Variants in CNTNAP2 observed in about 807,000 individuals in gnomAD.
CNTNAP2 encodes the protein contactin associated protein 2, also known as contactin-associated protein-like 2.
In CNTNAP2, 98 loss-of-function variants were observed where a neutral mutation model predicts 155.2. The ratio of observed to expected loss-of-function variants is 0.63; its 90% CI spans 0.54 to 0.75. CNTNAP2 has a LOEUF of 0.75. Ranked by LOEUF, CNTNAP2 falls within the 30% of genes least tolerant of loss-of-function variation. The pLI, the probability that CNTNAP2 is intolerant of heterozygous loss-of-function variation, is 0.00. For synonymous variants in CNTNAP2, 651 were observed against 631.2 expected (o/e 1.03, Z -0.47); for missense variants, 1,727 against 1,688.1 (o/e 1.02, Z -0.40).
intron 1 of CNTNAP2, among the ~76,000 whole-genome samples, chr7:146,119,296 G>C (rs1041329556): frequency 6.6e-6 from 1 of 151,888 alleles, no homozygotes; most frequent in Non-Finnish European, 1.5e-5. Flanking sequence ...TTAATATGAG[G>C]GACAGAAGAT....
intron 11 of CNTNAP2, among the ~76,000 whole-genome samples, chr7:147,488,019 A>T (rs2116642416): frequency 6.6e-6 from 1 of 150,662 alleles, no homozygotes; most frequent in Non-Finnish European, 1.5e-5. Flanking sequence ...TGAAAAGACC[A>T]TACTACATAA....
chr7:148,075,790 G>A (rs779030300), intron 15 of CNTNAP2, among the ~76,000 whole-genome samples: 12 of 152,154 alleles, frequency 7.9e-5, no homozygotes, highest in East Asian at 1.9e-4. Context: ...CCACAAATCC[G>A]TTGATTTTAT....
At chr7:146,409,565 A>G (rs1795838184) in intron 1 of CNTNAP2, among the ~76,000 whole-genome samples, 2 of 152,222 alleles carry the variant, frequency 1.3e-5, no homozygotes, top group Admixed American at 1.3e-4. Flanking sequence ...AATATGATAA[A>G]TAAATGATAT....
At chr7:147,374,983 T>C (rs1021149842) in intron 9 of CNTNAP2, among the ~76,000 whole-genome samples, 7 of 151,954 alleles carry the variant, frequency 4.6e-5, no homozygotes, top group African/African-American at 1.7e-4. Flanking sequence ...GATTGGATCA[T>C]GGGGGCAGTT....
intron 3 of CNTNAP2, among the ~76,000 whole-genome samples, chr7:146,927,687 TATGC>T (rs1366579975): frequency 6.6e-6 from 1 of 152,024 alleles, no homozygotes; most frequent in Non-Finnish European, 1.5e-5. Context: ...TTAAAATATC[TATGC>T]TAAAAACATC....
chr7:146,862,102 G>A (rs1204886541), intron 3 of CNTNAP2, among the ~76,000 whole-genome samples: 3 of 152,102 alleles, frequency 2.0e-5, no homozygotes, highest in East Asian at 1.9e-4. Context: ...ATGCAGGCGC[G>A]GTCGATGGCA....
intron 13 of CNTNAP2, among the ~76,000 whole-genome samples, chr7:147,872,361 C>T (rs567041307): frequency 3.3e-5 from 5 of 152,304 alleles, no homozygotes; most frequent in East Asian, 1.9e-4. Flanking sequence ...TAGAAAACTA[C>T]AGAACCGAAT....
At chr7:147,855,633 A>T (rs1037949413) in intron 13 of CNTNAP2, among the ~76,000 whole-genome samples, 2 of 152,166 alleles carry the variant, frequency 1.3e-5, no homozygotes, top group Non-Finnish European at 2.9e-5. Flanking sequence ...CTAAAAAAAA[A>T]ATAAGTACAA....
In CNTNAP2 at chr7:148,375,392, C is replaced by T. The variant is rs2095422767; in HGVS notation, c.3476-8257C>T. On this transcript the variant is annotated intron_variant, in intron 21 of 23. Transcript: ENST00000361727. ...CAATTTTTTTTGAGACAGAGTCTTG[C>T]CCTGTTTCCCAGGCTTGAGCGCAAT... Among the ~76,000 whole-genome samples, 3 of 148,580 alleles carry T rather than the reference C, an allele frequency of 2.0e-5. No individual in the cohort carries two copies. In the South Asian group the frequency reaches 6.3e-4, roughly 31 times the overall value.
intron 3 of CNTNAP2, among the ~76,000 whole-genome samples, chr7:146,959,738 G>C (rs1184961390): frequency 6.9e-6 from 1 of 145,486 alleles, no homozygotes; most frequent in Admixed American, 6.9e-5. Context: ...AAAAAAGAAA[G>C]AAATAAGAAT....
At chr7:148,348,003 ATC>A (rs1361655680) in intron 21 of CNTNAP2, among the ~76,000 whole-genome samples, 2 of 152,048 alleles carry the variant, frequency 1.3e-5, no homozygotes, top group Non-Finnish European at 2.9e-5. Context: ...AACTTCAGAA[ATC>A]TCTCTCTTAC....
intron 11 of CNTNAP2, among the ~76,000 whole-genome samples, chr7:147,515,542 C>T (rs775266339): frequency 1.3e-5 from 2 of 151,848 alleles, no homozygotes; most frequent in Non-Finnish European, 2.9e-5. Flanking sequence ...AGGATGGTCT[C>T]GATCTCTTGA....
intron 1 of CNTNAP2, among the ~76,000 whole-genome samples, chr7:146,306,332 T>C (rs1239489970): frequency 6.6e-6 from 1 of 152,158 alleles, no homozygotes; most frequent in African/African-American, 2.4e-5. Flanking sequence ...GAGGAGCTGG[T>C]ACCATTCCTT....
intron 14 of CNTNAP2, among the ~76,000 whole-genome samples, chr7:147,977,648 T>C (rs1801453073): frequency 6.6e-6 from 1 of 152,160 alleles, no homozygotes; most frequent in African/African-American, 2.4e-5. Context: ...TCGCTTCTGT[T>C]TTCCAGAAGA....
At chr7:147,328,898 G>A (rs180888373) in intron 9 of CNTNAP2, among the ~76,000 whole-genome samples, 62 of 152,240 alleles carry the variant, frequency 4.1e-4, no homozygotes, top group African/African-American at 1.4e-3. Flanking sequence ...AAAATCTGTA[G>A]TTGAACCTTA....
chr7:148,117,659 A>G (rs1804503949), intron 15 of CNTNAP2, among the ~76,000 whole-genome samples: 1 of 152,116 alleles, frequency 6.6e-6, no homozygotes, highest in Non-Finnish European at 1.5e-5. Flanking sequence ...AGTTCAAAAC[A>G]GCCCCCACCC....
At chr7:146,369,647 A>C (rs1445296718) in intron 1 of CNTNAP2, among the ~76,000 whole-genome samples, 5 of 152,142 alleles carry the variant, frequency 3.3e-5, no homozygotes, top group Non-Finnish European at 7.3e-5. Context: ...TTACCTTCAC[A>C]TATGTATAGT....
At chr7:146,949,378 A>T (rs894519732) in intron 3 of CNTNAP2, among the ~76,000 whole-genome samples, 1 of 152,118 alleles carries the variant, frequency 6.6e-6, no homozygotes. Context: ...GGTACTTCAG[A>T]TTCTATTTTT....
intron 3 of CNTNAP2, among the ~76,000 whole-genome samples, chr7:146,968,498 G>T (rs1344968131): frequency 1.3e-5 from 2 of 152,028 alleles, no homozygotes; most frequent in Non-Finnish European, 2.9e-5. Context: ...GCCTGTTATT[G>T]GTCTATTCGG....
Sources: gnomAD v4.1 joint callset for allele counts (sites outside exome capture counted in the v4.1 genomes callset) on GRCh38, gnomAD v4.1.1 for gene constraint, MANE v1.5 for transcripts, NCBI Gene and HGNC (gene_info 2026-07-23, HGNC 2026-07-21) for gene names.